Variants in GLIPR1L1 observed in about 807,000 individuals in gnomAD.
GLIPR1L1 encodes GLIPR1-like protein 1.
GLIPR1L1 carries 26 observed loss-of-function variants against 29.9 expected under a neutral mutation model. The observed-to-expected ratio is 0.87, with a 90% CI of 0.64 to 1.21. The LOEUF (loss-of-function observed/expected upper bound fraction) is 1.21, where lower values mean the gene tolerates loss of function less well. GLIPR1L1 is among the 50% of genes most tolerant of loss of function. The pLI, the probability that GLIPR1L1 is intolerant of heterozygous loss-of-function variation, is 0.00. For synonymous variants in GLIPR1L1, 77 were observed against 97.5 expected (o/e 0.79, Z 1.24); for missense variants, 305 against 290.3 (o/e 1.05, Z -0.37).
At chr12:75,367,853 C>A (rs761892073) in intron 4 of GLIPR1L1, among the ~76,000 whole-genome samples, 7 of 152,104 alleles carry the variant, frequency 4.6e-5, no homozygotes, top group Admixed American at 4.6e-4. Flanking sequence ...TAAGCTGTAA[C>A]AATAGACACA....
chr12:75,343,024 T>C (rs891900396), intron 1 of GLIPR1L1, among the ~76,000 whole-genome samples: 9 of 148,736 alleles, frequency 6.1e-5, no homozygotes, highest in Non-Finnish European at 8.8e-5. Context: ...TATAGTATTG[T>C]TTATGTATTA....
intron 4 of GLIPR1L1, chr12:75,367,087 T>C (rs2044019985): frequency 1.1e-5 from 8 of 695,814 alleles, no homozygotes; most frequent in South Asian, 7.5e-5. Flanking sequence ...CCAACTGAGA[T>C]TAATTTGGGG....
Position 75,347,708 on chromosome 12 carries a change from C to T in GLIPR1L1, c.507C>T (p.Cys169=), listed in dbSNP as rs1226035137. ...GAGCTTCAACTGCAATATTTGTATG[C>T]AACTACGGACCTGCGTGAGTTATTT... ...LGGASTAIFV[C]NYGPAGNFAN... Residue 169 remains cysteine, a synonymous_variant, in exon 3 of 6, where the codon TGC becomes TGT. Coordinates refer to ENST00000378695, the MANE Select transcript of GLIPR1L1 (RefSeq NM_001304964.2). The T allele has an allele frequency of 1.9e-6, 3 of 1,594,902 alleles. No homozygotes were observed. In the African/African-American group the frequency reaches 4.0e-5, roughly 21 times the overall value.
intron 3 of GLIPR1L1, among the ~76,000 whole-genome samples, chr12:75,362,894 G>A (rs571794046): frequency 6.6e-6 from 1 of 152,132 alleles, no homozygotes; most frequent in South Asian, 2.1e-4. Context: ...GAATATTCAA[G>A]AATAGAACTT....
intron 1 of GLIPR1L1, among the ~76,000 whole-genome samples, chr12:75,338,510 T>C (rs2041883081): frequency 6.6e-6 from 1 of 152,020 alleles, no homozygotes; most frequent in Admixed American, 6.6e-5. Context: ...TTTTATTTCA[T>C]TTTTTTTCCA....
intron 3 of GLIPR1L1, among the ~76,000 whole-genome samples, chr12:75,353,605 A>C (rs1415688397): frequency 6.6e-6 from 1 of 152,226 alleles, no homozygotes; most frequent in Non-Finnish European, 1.5e-5. Context: ...AAAATATTCC[A>C]AACAACTGAA....
intron 4 of GLIPR1L1, chr12:75,366,905 A>G (rs1204040704): frequency 4.3e-6 from 3 of 701,656 alleles, no homozygotes; most frequent in Non-Finnish European, 7.8e-6. Context: ...GGGCCACTGC[A>G]TGTCAAAAGG....
Position 75,343,882 on chromosome 12 carries a change from C to A in GLIPR1L1, c.364C>A (p.Gln122Lys). The A allele has an allele frequency of 1.2e-6, 2 of 1,611,732 alleles. No homozygotes were observed. The stretch of plus-strand genomic sequence containing the variant: ...CATTACGGCTTGGTATAATGAAACC[C>A]AATTTTATGATTTTGATAGTCTATC... ...HAITAWYNETQFYDFDSLSCS... is the reference protein window; with the variant it reads ...HAITAWYNETKFYDFDSLSCS... Residue 122 changes from glutamine to lysine, a missense_variant, in exon 2 of 6, where the codon CAA (glutamine) becomes AAA (lysine). Gln to Lys is a moderately conservative substitution (Grantham distance 53). Transcript: ENST00000378695.
Position 75,343,801 on chromosome 12 carries a change from T to C in GLIPR1L1, c.283T>C (p.Tyr95His). The C allele has an allele frequency of 1.2e-6, 2 of 1,613,474 alleles. No homozygotes were observed. The highest frequency in any genetic ancestry group is 1.7e-6 in the Non-Finnish European group (2 of 1,179,544). ...ATATAAATGCTATGCAGCTTTTGAA[T>C]ATGTTGGAGAAAATATCTGGTTAGG... ...KSYKCYAAFE[Y>H]VGENIWLGGI... The change falls in exon 2 of 6, where the codon TAT becomes CAT. Residue 95 changes from tyrosine to histidine, a missense_variant. By Grantham distance (83) the Tyr-to-His change is moderately conservative. Coordinates refer to ENST00000378695, the MANE Select transcript of GLIPR1L1 (RefSeq NM_001304964.2).
intron 3 of GLIPR1L1, among the ~76,000 whole-genome samples, chr12:75,357,634 A>G (rs2043239497): frequency 6.6e-6 from 1 of 152,134 alleles, no homozygotes; most frequent in African/African-American, 2.4e-5. Context: ...ATACATTTAA[A>G]TGTATTAAAA....
intron 3 of GLIPR1L1, among the ~76,000 whole-genome samples, chr12:75,358,033 AAC>A (rs2043269075): frequency 6.6e-6 from 1 of 151,640 alleles, no homozygotes; most frequent in African/African-American, 2.4e-5. Flanking sequence ...CAAACAGAAA[AAC>A]AGTTAAAAAC....
At chr12:75,346,087 T>C (rs1386778663) in intron 2 of GLIPR1L1, among the ~76,000 whole-genome samples, 3 of 152,224 alleles carry the variant, frequency 2.0e-5, no homozygotes, top group Non-Finnish European at 4.4e-5. Flanking sequence ...CTAGTTTCTT[T>C]AATGAAAGCA....
rs760513951 is a variant in GLIPR1L1, at chr12:75,370,121, A to G, written c.674A>G (p.Gln225Arg). 2.5e-6 allele frequency: 4 copies of G among 1,608,298 alleles called. No homozygotes were observed. The Admixed American group carries it at 6.7e-5, about 27-fold the overall frequency. ...CTGAAGCCAACGGGGAGAGCACCTC[A>G]GCAGACAGCCTTTAATCCATTCAGC... Reference protein sequence around the residue: ...PFLKPTGRAPQQTAFNPFSLG... With the variant: ...PFLKPTGRAPRQTAFNPFSLG... Residue 225 changes from glutamine (Q) to arginine (R), a missense_variant, in exon 6 of 6, where the codon CAG becomes CGG. Gln to Arg is a conservative substitution (Grantham distance 43, BLOSUM62 1). Coordinates refer to ENST00000378695, the MANE Select transcript of GLIPR1L1 (RefSeq NM_001304964.2).
chr12:75,369,648 A>G (rs1469881092), intron 4 of GLIPR1L1: 1 of 984,274 alleles, frequency 1.0e-6, no homozygotes, highest in Non-Finnish European at 1.2e-6. Context: ...ACGTTTCTTC[A>G]GGGACGTGAA....
Position 75,370,068 on chromosome 12 carries a change from G to A in GLIPR1L1, c.638-17G>A. ...TTGAACTCTTAACTATTCTGGTTTT[G>A]TTTTTGTTTTTGACAGAAAATCCAT... is the stretch of plus-strand genomic sequence containing the variant. On this transcript the variant is annotated splice_polypyrimidine_tract_variant and intron_variant, in intron 5 of 5. Transcript: ENST00000378695. The A allele has an allele frequency of 1.3e-6, 2 of 1,527,222 alleles. No homozygotes were observed. Among genetic ancestry groups the A allele is most frequent in the Non-Finnish European group, 1.8e-6 (2 of 1,107,262 alleles). 94.6% of individuals were successfully genotyped at this position (1,527,222 alleles called of 1,614,324 possible).
At chr12:75,352,189 C>T (rs2042860007) in intron 3 of GLIPR1L1, among the ~76,000 whole-genome samples, 1 of 152,086 alleles carries the variant, frequency 6.6e-6, no homozygotes, top group South Asian at 2.1e-4. Flanking sequence ...GCCTAAAGGC[C>T]CCATATAAAA....
At chr12:75,346,790 T>G (rs2042479744) in intron 2 of GLIPR1L1, among the ~76,000 whole-genome samples, 1 of 152,170 alleles carries the variant, frequency 6.6e-6, no homozygotes, top group Non-Finnish European at 1.5e-5. Flanking sequence ...GATACATCAA[T>G]TTACGAAATA....
At chr12:75,352,391 C>A (rs1417815577) in intron 3 of GLIPR1L1, among the ~76,000 whole-genome samples, 7 of 152,052 alleles carry the variant, frequency 4.6e-5, no homozygotes, top group East Asian at 1.9e-4. Context: ...CAACAAAGAT[C>A]AAAAAAGACA....
chr12:75,348,179 G>A (rs1434893333), intron 3 of GLIPR1L1, among the ~76,000 whole-genome samples: 1 of 152,096 alleles, frequency 6.6e-6, no homozygotes. Context: ...TATAGCATAA[G>A]CTTAAAGGGA....
Sources: allele counts gnomAD v4.1 joint callset (sites outside exome capture counted in the v4.1 genomes callset), GRCh38; gene constraint gnomAD v4.1.1; transcripts MANE v1.5; gene names NCBI Gene and HGNC (gene_info 2026-07-23, HGNC 2026-07-21).